The following TMEM50B variants were observed in gnomAD, a reference collection of about 807,000 sequenced individuals.
The protein encoded by TMEM50B is transmembrane protein 50B.
TMEM50B carries 14 observed loss-of-function variants against 23.4 expected under a neutral mutation model. That is an observed-to-expected ratio of 0.60 (90% confidence interval 0.39 to 0.93). The LOEUF (loss-of-function observed/expected upper bound fraction) is 0.93, where lower values mean the gene tolerates loss of function less well. TMEM50B is among the 40% of genes least tolerant of loss of function. The pLI is 0.00. For synonymous variants in TMEM50B, 64 were observed against 62.3 expected (o/e 1.03, Z -0.13); for missense variants, 159 against 193.0 (o/e 0.82, Z 1.04).
chr21:33,433,665 A>G (rs995721750), intron 8 of TMEM50B, among the ~76,000 whole-genome samples: 4 of 152,220 alleles, frequency 2.6e-5, no homozygotes, highest in African/African-American at 9.6e-5. Context: ...GGGGCTGTAC[A>G]GAGTTCTGGA....
intron 5 of TMEM50B, among the ~76,000 whole-genome samples, chr21:33,459,172 C>T (rs979553379): frequency 6.6e-6 from 1 of 152,178 alleles, no homozygotes; most frequent in Non-Finnish European, 1.5e-5. Flanking sequence ...AGTCTTCCGA[C>T]GCTTCCAGAG....
chr21:33,435,238 CCA>C lies in TMEM50B; in HGVS notation c.*2121-2438_*2121-2437del, dbSNP rs576967178. On this transcript the variant is annotated intron_variant and NMD_transcript_variant, in intron 8 of 8. Transcript: ENST00000420455. ...ATGTTAAGGCCTAAGGCCCTCGCTC[CCA>C]GATTCTCTGCTTGCTGTGCGCTGGT... 2.0e-4 allele frequency among the ~76,000 whole-genome samples: 30 copies of C among 152,264 alleles called. No individual in the cohort carries two copies. In the South Asian group the frequency reaches 6.0e-3, roughly 31 times the overall value.
intron 7 of TMEM50B, among the ~76,000 whole-genome samples, chr21:33,441,451 A>G (rs1255177481): frequency 2.0e-5 from 3 of 152,120 alleles, no homozygotes; most frequent in African/African-American, 4.8e-5. Context: ...AAAAATGAGG[A>G]TTAGATCACT....
At chr21:33,468,065 T>C (rs2084280220) in intron 2 of TMEM50B, among the ~76,000 whole-genome samples, 1 of 66,638 alleles carries the variant, frequency 1.5e-5, no homozygotes. Flanking sequence ...CCTCGTCTCT[T>C]TAAAAAAAAA....
At chr21:33,474,598 A>G (rs2084348780) in intron 1 of TMEM50B, among the ~76,000 whole-genome samples, 1 of 147,308 alleles carries the variant, frequency 6.8e-6, no homozygotes, top group Non-Finnish European at 1.5e-5. Context: ...AGCCTGGTGA[A>G]ACCCTGTCTC....
intron 6 of TMEM50B, among the ~76,000 whole-genome samples, chr21:33,454,663 GTTAA>G: frequency 6.6e-6 from 1 of 152,016 alleles, no homozygotes; most frequent in Non-Finnish European, 1.5e-5. Context: ...ACCTGTTGTT[GTTAA>G]TTTTTTTTTT....
At chr21:33,446,002 G>A (rs952238977), downstream of TMEM50B, among the ~76,000 whole-genome samples, 6 of 151,798 alleles carry the variant, frequency 4.0e-5, no homozygotes, top group African/African-American at 1.5e-4. Flanking sequence ...GAATCCCAGC[G>A]CCCAAACCAC....
chr21:33,448,015 C>T (rs112318930), downstream of TMEM50B, among the ~76,000 whole-genome samples: 116 of 152,198 alleles, frequency 7.6e-4, no homozygotes, highest in African/African-American at 2.6e-3. Flanking sequence ...ATTTTCTAGA[C>T]GGAGTCTCGC....
chr21:33,478,293 T>C (rs917541510), intron 1 of TMEM50B, among the ~76,000 whole-genome samples: 3 of 150,150 alleles, frequency 2.0e-5, no homozygotes, highest in Admixed American at 2.0e-4. Context: ...ATGGTGAAAC[T>C]CTCTCTCTAC....
intron 1 of TMEM50B, among the ~76,000 whole-genome samples, chr21:33,472,207 C>T (rs1323985435): frequency 6.6e-6 from 1 of 151,364 alleles, no homozygotes; most frequent in Non-Finnish European, 1.5e-5. Context: ...CATGGTGAAA[C>T]CCCGTCTCCA....
At chr21:33,460,280 T>G (rs1051156321) in intron 5 of TMEM50B, 133 bp downstream of exon 5, 1 of 679,336 alleles carries the variant, frequency 1.5e-6, no homozygotes, top group Non-Finnish European at 2.6e-6. Flanking sequence ...ATTAAACTCA[T>G]GTATCTTCAC....
chr21:33,435,692 G>A (rs749079071), intron 8 of TMEM50B, among the ~76,000 whole-genome samples: 7 of 151,634 alleles, frequency 4.6e-5, no homozygotes, highest in Non-Finnish European at 7.4e-5. Context: ...AGACCATCCT[G>A]GCCAACAGGG....
intron 6 of TMEM50B, among the ~76,000 whole-genome samples, chr21:33,454,102 CAAAAA>C (rs35393378): frequency 5.0e-5 from 5 of 100,320 alleles, no homozygotes; most frequent in African/African-American, 1.9e-4. Context: ...GAATCCAGCT[CAAAAA>C]AAAAAAAAAA....
chr21:33,463,118 C>G (rs9636609), intron 4 of TMEM50B, among the ~76,000 whole-genome samples: 28,024 of 152,008 alleles, frequency 0.18, 3,156 homozygotes, highest in Non-Finnish European at 0.24. Flanking sequence ...ATGGTGAAAC[C>G]CAGTTTCTAC....
intron 4 of TMEM50B, among the ~76,000 whole-genome samples, chr21:33,464,820 A>C (rs961822208): frequency 2.0e-5 from 3 of 148,494 alleles, no homozygotes; most frequent in Non-Finnish European, 4.5e-5. Context: ...AAAAAAAAAA[A>C]AAAACAAAAA....
chr21:33,443,628 A>G (rs916977023), intron 7 of TMEM50B, among the ~76,000 whole-genome samples: 5 of 152,240 alleles, frequency 3.3e-5, no homozygotes, highest in African/African-American at 1.2e-4. Flanking sequence ...ACAGAAAAAT[A>G]GTATTTTTCT....
At chr21:33,467,449 C>T (rs13049278) in intron 2 of TMEM50B, among the ~76,000 whole-genome samples, 34,746 of 152,100 alleles carry the variant, frequency 0.23, 4,523 homozygotes, top group Middle Eastern at 0.31. Context: ...CATGGTGAAA[C>T]CTCGTTTCTA....
intron 5 of TMEM50B, 97 bp downstream of exon 5, chr21:33,460,316 G>T: frequency 1.3e-6 from 1 of 780,508 alleles, no homozygotes; most frequent in Non-Finnish European, 2.2e-6. Context: ...CAATCTAAGT[G>T]AACAATTATA....
At chr21:33,455,598 C>T (rs2123425000) in intron 6 of TMEM50B, 129 bp downstream of exon 6, 2 of 798,486 alleles carry the variant, frequency 2.5e-6, no homozygotes, top group East Asian at 5.1e-5. Flanking sequence ...GGAATTCTCA[C>T]CTTTTAAAAG....
Sources: allele counts gnomAD v4.1 joint callset (sites outside exome capture counted in the v4.1 genomes callset), GRCh38; gene constraint gnomAD v4.1.1; transcripts MANE v1.5; gene names NCBI Gene and HGNC (gene_info 2026-07-23, HGNC 2026-07-21).